ZNF343: variants seen among roughly 807,000 people sequenced by gnomAD.
ZNF343 encodes zinc finger protein 343.
A neutral mutation model predicts 13.8 loss-of-function variants in ZNF343; 11 were observed. That is an observed-to-expected ratio of 0.80 (90% CI 0.50 to 1.32). The LOEUF (loss-of-function observed/expected upper bound fraction) is 1.32. Among genes scored for constraint, ZNF343 ranks in the 40% most tolerant of loss-of-function variants. ZNF343 has a pLI of 0.00. For synonymous variants in ZNF343, 248 were observed against 260.0 expected (o/e 0.95, Z 0.44); for missense variants, 658 against 714.2 (o/e 0.92, Z 0.90).
rs145418297 is a variant in ZNF343 at position 2,519,282 on chromosome 20, T to C, written c.-347+5173A>G. Reference sequence around the variant, plus strand: ...TACGCTCTCATAATGATTCTGACACTGACACCCTAATCCTGACTGTGACAC... The same window carrying C: ...TACGCTCTCATAATGATTCTGACACCGACACCCTAATCCTGACTGTGACAC... On this transcript the variant is annotated intron_variant, in intron 1 of 6. Transcript: ENST00000358413. Among the ~76,000 whole-genome samples the C allele has an allele frequency of 3.8e-3, 584 of 152,284 alleles. 5 individuals are homozygous for C. Among genetic ancestry groups the C allele is most frequent in the African/African-American group, 0.013 (556 of 41,552 alleles).
At chr20:2,511,787 T>C (rs1452886419), upstream of ZNF343, among the ~76,000 whole-genome samples, 2 of 152,196 alleles carry the variant, frequency 1.3e-5, no homozygotes, top group African/African-American at 2.4e-5. Context: ...TGGGATGCAA[T>C]TATGACAGAC....
In ZNF343 at chr20:2,484,632, G is replaced by C; in HGVS notation, c.329C>G (p.Thr110Ser). Reference sequence around the variant, plus strand: ...GAAGGCCAGAAGGCAGGAGGAACAAGTGTAGATTTCTGGCTTTGGTTCTGC... The same window carrying C: ...GAAGGCCAGAAGGCAGGAGGAACAACTGTAGATTTCTGGCTTTGGTTCTGC... ...SLAEPKPEIY[T>S]CSSCLLAFSC... is the part of the protein sequence containing the mutation. Residue 110 changes from threonine to serine, a missense_variant, in exon 6 of 6, where the codon ACT (threonine) becomes AGT (serine). Transcript: ENST00000278772. The C allele has an allele frequency of 1.2e-6, 2 of 1,601,566 alleles. No homozygotes were observed. The highest frequency in any genetic ancestry group is 8.5e-7 in the Non-Finnish European group (1 of 1,173,598).
intron 2 of ZNF343, among the ~76,000 whole-genome samples, chr20:2,500,317 A>C (rs1029219728): frequency 1.3e-5 from 2 of 152,250 alleles, no homozygotes; most frequent in African/African-American, 4.8e-5. Context: ...GGAGACTATA[A>C]ACCCAGTTGC....
intron 3 of ZNF343, 81 bp from the exon 4 acceptor site, chr20:2,493,658 T>C (rs1568480488): frequency 9.9e-7 from 1 of 1,013,978 alleles, no homozygotes; most frequent in Non-Finnish European, 1.4e-6. Context: ...GAGCAGCTCT[T>C]CTGAGCCTTA....
At chr20:2,511,006 C>T (rs1030551936), upstream of ZNF343, among the ~76,000 whole-genome samples, 1 of 152,112 alleles carries the variant, frequency 6.6e-6, no homozygotes. Context: ...CTCCTTGATA[C>T]TATCTGGGAG....
rs1413720768 is a variant in ZNF343, at chr20:2,483,131, C to T, written c.*30G>A. 2.5e-6 allele frequency: 4 copies of T among 1,574,968 alleles called. No homozygotes were observed. The highest frequency in any genetic ancestry group is 3.4e-6 in the Non-Finnish European group (4 of 1,160,512). ...CTTGACTGGTCACTCAGGTCTTGTT[C>T]ATGACCCCTGCATACACAGGTTTCT... On this transcript the variant is annotated 3_prime_UTR_variant, in exon 6 of 6. Transcript: ENST00000278772.
chr20:2,504,456 C>T (rs1568488566), intron 1 of ZNF343, among the ~76,000 whole-genome samples: 1 of 152,128 alleles, frequency 6.6e-6, no homozygotes, highest in Non-Finnish European at 1.5e-5. Flanking sequence ...TTTATGAGGC[C>T]AGCATCATCC....
intron 5 of ZNF343, among the ~76,000 whole-genome samples, chr20:2,492,343 C>T (rs2085379225): frequency 6.6e-6 from 1 of 152,194 alleles, no homozygotes; most frequent in African/African-American, 2.4e-5. Context: ...CTAACCTCCT[C>T]ACCACATTAT....
intron 5 of ZNF343, among the ~76,000 whole-genome samples, chr20:2,489,560 T>A (rs2085333893): frequency 6.6e-6 from 1 of 152,154 alleles, no homozygotes; most frequent in South Asian, 2.1e-4. Context: ...TCATTGCTCT[T>A]TTTCCCTCTA....
rs2085401531 is a variant in ZNF343 at position 2,493,516 on chromosome 20, C to T, written c.177+3G>A. The T allele has an allele frequency of 1.2e-6, 2 of 1,612,550 alleles. No individual in the cohort carries two copies. The highest frequency in any genetic ancestry group is 8.5e-7 in the Non-Finnish European group (1 of 1,178,780). On this transcript the variant is annotated splice_donor_region_variant and intron_variant, in intron 4 of 5. Coordinates refer to ENST00000278772, the MANE Select transcript of ZNF343 (RefSeq NM_024325.6). ...AAAAAAAAAAAATGTAACCCCAACT[C>T]ACCACTATTTGGGCCTTTCCCTCCT...
At chr20:2,512,475 C>T (rs1290387143), upstream of ZNF343, among the ~76,000 whole-genome samples, 1 of 152,012 alleles carries the variant, frequency 6.6e-6, no homozygotes, top group Admixed American at 6.6e-5. Flanking sequence ...AGACATAGAC[C>T]AATGGATAGG....
In ZNF343 at chr20:2,518,618, C is replaced by G. The variant is rs1013691747; in HGVS notation, c.-347+5837G>C. 2.0e-5 allele frequency among the ~76,000 whole-genome samples: 3 copies of G among 152,152 alleles called. No individual in the cohort carries two copies. The highest frequency in any genetic ancestry group is 4.4e-5 in the Non-Finnish European group (3 of 68,038). On this transcript the variant is annotated intron_variant, in intron 1 of 6. Coordinates refer to the ZNF343 transcript ENST00000358413. This position sits in a 1 kb window ranked among gnomAD's most constrained non-coding sequence, Gnocchi z 4.6. ...ACAACCTACAACCCTCCCTTACAGA[C>G]ACTACCTTCCAACATACCACATGCT...
chr20:2,490,148 G>A lies in ZNF343; in HGVS notation c.304+2551C>T, dbSNP rs189330930. Among the ~76,000 whole-genome samples, 121 of 152,322 alleles carry A rather than the reference G, an allele frequency of 7.9e-4. 1 individual carries two copies. Among genetic ancestry groups the A allele is most frequent in the African/African-American group, 2.4e-3 (101 of 41,582 alleles). On this transcript the variant is annotated intron_variant, in intron 5 of 5. Transcript: ENST00000278772. Reference sequence around the variant, plus strand: ...TTTTTATAACTTTGAGAATAAGCTTGTGGTTGCAGGCAAGGAGAAAGATGG... The same window carrying A: ...TTTTTATAACTTTGAGAATAAGCTTATGGTTGCAGGCAAGGAGAAAGATGG...
intron 1 of ZNF343, among the ~76,000 whole-genome samples, chr20:2,523,710 T>A (rs2085792449): frequency 7.3e-6 from 1 of 137,244 alleles, no homozygotes; most frequent in Non-Finnish European, 1.5e-5. Flanking sequence ...AGACGGAATC[T>A]CGCACTCTGG....
intron 1 of ZNF343, among the ~76,000 whole-genome samples, chr20:2,515,340 A>C (rs2085754869): frequency 6.6e-6 from 1 of 152,222 alleles, no homozygotes; most frequent in Non-Finnish European, 1.5e-5. Context: ...CCACATTAAG[A>C]ATCCCATATT....
At chr20:2,493,419 G>T in intron 4 of ZNF343, 100 bp downstream of exon 4, 1 of 1,156,330 alleles carries the variant, frequency 8.6e-7, no homozygotes, top group Non-Finnish European at 1.3e-6. Flanking sequence ...CTACCCAGAT[G>T]TTGACCGCCT....
intron 1 of ZNF343, among the ~76,000 whole-genome samples, chr20:2,502,314 A>G (rs1404475699): frequency 6.6e-6 from 1 of 152,240 alleles, no homozygotes; most frequent in Non-Finnish European, 1.5e-5. Flanking sequence ...GGACTATGTG[A>G]AAAGACCAAA....
rs899585448 is a variant in ZNF343, at chr20:2,508,622, G to C, written c.-237+259C>G. 6.6e-6 allele frequency among the ~76,000 whole-genome samples: 1 copy of C among 152,194 alleles called. No homozygotes were observed. The highest frequency in any genetic ancestry group is 1.5e-5 in the Non-Finnish European group (1 of 68,030). The stretch of plus-strand genomic sequence containing the variant: ...CCCGCCTGGTTCAAGACAGGCATTA[G>C]AGTTCTAGGTCACTCTCGTCCCCCC... On this transcript the variant is annotated intron_variant, in intron 1 of 5. Transcript: ENST00000278772. This position sits in a 1 kb window ranked among gnomAD's most constrained non-coding sequence, Gnocchi z 4.5.
intron 5 of ZNF343, among the ~76,000 whole-genome samples, chr20:2,490,196 C>T (rs1000541843): frequency 2.0e-4 from 30 of 151,946 alleles, no homozygotes; most frequent in Admixed American, 2.0e-4. Context: ...GGTGAGACAG[C>T]GATAGATAAT....
Sources: gnomAD v4.1 joint callset for allele counts (sites outside exome capture counted in the v4.1 genomes callset) on GRCh38, gnomAD v4.1.1 for gene constraint, Gnocchi (gnomAD v3.1) non-coding constraint, MANE v1.5 for transcripts, NCBI Gene and HGNC (gene_info 2026-07-23, HGNC 2026-07-21) for gene names.